RAB3C: variants seen among roughly 807,000 people sequenced by gnomAD.
The protein encoded by RAB3C is RAB3C, member RAS oncogene family.
Under a neutral mutation model 26.4 loss-of-function variants are expected in RAB3C, and 17 were observed. That is an observed-to-expected ratio of 0.64 (90% CI 0.44 to 0.97). The LOEUF is 0.97. Among genes scored for constraint, RAB3C ranks in the 50% least tolerant of loss-of-function variants. RAB3C has a pLI of 0.00. For missense variants in RAB3C, 242 were observed against 281.9 expected (o/e 0.86, Z 1.01); for synonymous variants, 91 against 95.9 (o/e 0.95, Z 0.30).
chr5:58,748,722 A>G (rs930300019), intron 3 of RAB3C, among the ~76,000 whole-genome samples: 1 of 152,192 alleles, frequency 6.6e-6, no homozygotes, highest in African/African-American at 2.4e-5. Flanking sequence ...ATAGGAAATC[A>G]TTATGAGGTA....
intron 3 of RAB3C, among the ~76,000 whole-genome samples, chr5:58,727,386 A>C (rs1296264286): frequency 6.6e-6 from 1 of 152,060 alleles, no homozygotes; most frequent in African/African-American, 2.4e-5. Flanking sequence ...GATGTATATG[A>C]AAACATAAGT....
intron 4 of RAB3C, among the ~76,000 whole-genome samples, chr5:58,847,553 G>T (rs1308430581): frequency 6.6e-6 from 1 of 152,150 alleles, no homozygotes; most frequent in East Asian, 1.9e-4. Context: ...AAGAACAAAG[G>T]CTGTAGTGGT....
At chr5:58,586,733 C>CA (rs142380444) in intron 1 of RAB3C, among the ~76,000 whole-genome samples, 12,489 of 149,328 alleles carry the variant, frequency 0.084, 576 homozygotes, top group East Asian at 0.15. Flanking sequence ...AGCAGAGTGC[C>CA]AAAAAAAAAT....
intron 2 of RAB3C, among the ~76,000 whole-genome samples, chr5:58,696,690 T>A (rs1444981438): frequency 2.0e-5 from 3 of 152,236 alleles, no homozygotes; most frequent in Non-Finnish European, 4.4e-5. Flanking sequence ...TTCTTCTAGA[T>A]TTTCTAGTTT....
At chr5:58,666,505 G>A (rs960153059) in intron 2 of RAB3C, among the ~76,000 whole-genome samples, 8 of 152,180 alleles carry the variant, frequency 5.3e-5, no homozygotes, top group Non-Finnish European at 1.2e-4. Context: ...TAAAATTCAA[G>A]ATTCTTAGGC....
chr5:58,754,814 C>T (rs1561310747), intron 3 of RAB3C, among the ~76,000 whole-genome samples: 1 of 152,082 alleles, frequency 6.6e-6, no homozygotes, highest in East Asian at 1.9e-4. Context: ...TTATTAACTG[C>T]AAACGCCCTT....
intron 2 of RAB3C, among the ~76,000 whole-genome samples, chr5:58,647,442 A>G (rs1747544289): frequency 1.3e-5 from 2 of 151,676 alleles, no homozygotes; most frequent in South Asian, 4.2e-4. Context: ...TTATCATGAG[A>G]ACAGCATGGG....
intron 2 of RAB3C, among the ~76,000 whole-genome samples, chr5:58,656,482 A>T (rs981024823): frequency 3.9e-5 from 6 of 152,294 alleles, no homozygotes; most frequent in Admixed American, 6.5e-5. Context: ...TATGCCCAAA[A>T]TGTGTACATT....
chr5:58,744,681 T>C (rs1741355462), intron 3 of RAB3C, among the ~76,000 whole-genome samples: 1 of 152,216 alleles, frequency 6.6e-6, no homozygotes, highest in Non-Finnish European at 1.5e-5. Flanking sequence ...TTGTGGTTTT[T>C]CAAATATTAT....
chr5:58,612,514 G>GTATATATA (rs1467524083), intron 1 of RAB3C, among the ~76,000 whole-genome samples: 2 of 54,094 alleles, frequency 3.7e-5, no homozygotes, highest in Admixed American at 2.2e-4. Context: ...GTGTGTGTGT[G>GTATATATA]TGTGTGTATA....
At chr5:58,826,995 T>G (rs1016267750) in intron 4 of RAB3C, among the ~76,000 whole-genome samples, 3 of 152,216 alleles carry the variant, frequency 2.0e-5, no homozygotes, top group Non-Finnish European at 4.4e-5. Context: ...CAAGAACCCT[T>G]CCACCAAATA....
chr5:58,795,527 T>A (rs1742624896), intron 3 of RAB3C, among the ~76,000 whole-genome samples: 1 of 152,184 alleles, frequency 6.6e-6, no homozygotes, highest in Non-Finnish European at 1.5e-5. Context: ...TAACTATAGT[T>A]GTGTAACTTA....
In RAB3C at chr5:58,617,789, T is replaced by G; in HGVS notation, c.171T>G (p.Ser57=). 6.2e-7 allele frequency: 1 copy of G among 1,613,776 alleles called. No homozygotes were observed. The change falls in exon 2 of 5, where the codon TCT becomes TCG. Residue 57 remains serine (S), a synonymous_variant. Coordinates refer to ENST00000282878, the MANE Select transcript of RAB3C (RefSeq NM_138453.4). Reference sequence around the variant, plus strand: ...GTTATGCAGATGACTCCTTTACATCTGCATTCGTCAGCACAGTTGGGATCG... The same window carrying G: ...GTTATGCAGATGACTCCTTTACATCGGCATTCGTCAGCACAGTTGGGATCG... ...LFRYADDSFT[S]AFVSTVGIDF...
At position 58,650,526 on chromosome 5, in the gene RAB3C, C is replaced by A. The variant is rs117883645; in HGVS notation, c.252+32656C>A. 9.2e-5 allele frequency among the ~76,000 whole-genome samples: 14 copies of A among 152,258 alleles called. No individual in the cohort carries two copies. In the East Asian group the frequency reaches 2.5e-3, roughly 27 times the overall value. On this transcript the variant is annotated intron_variant, in intron 2 of 4. Transcript: ENST00000282878. Reference sequence around the variant, plus strand: ...GGTTTAACTGGTTGAATAAGGAGAACCCCTCAGAATTTCTGATACATGTGA... The same window carrying A: ...GGTTTAACTGGTTGAATAAGGAGAAACCCTCAGAATTTCTGATACATGTGA...
chr5:58,645,771 GA>G (rs1365666012), intron 2 of RAB3C, among the ~76,000 whole-genome samples: 2 of 152,180 alleles, frequency 1.3e-5, no homozygotes, highest in African/African-American at 4.8e-5. Flanking sequence ...ATTAATTGAA[GA>G]GTGAAGGATT....
At chr5:58,651,822 G>A (rs754620255) in intron 2 of RAB3C, among the ~76,000 whole-genome samples, 6 of 152,058 alleles carry the variant, frequency 3.9e-5, no homozygotes, top group African/African-American at 1.2e-4. Flanking sequence ...CCTGATGCTC[G>A]GGTCTCTTAG....
At chr5:58,801,439 A>G (rs1742806830) in intron 3 of RAB3C, among the ~76,000 whole-genome samples, 1 of 152,228 alleles carries the variant, frequency 6.6e-6, no homozygotes, top group East Asian at 1.9e-4. Flanking sequence ...GAAGCATATG[A>G]GCATCTGGGG....
At chr5:58,657,641 G>A (rs1747810594) in intron 2 of RAB3C, among the ~76,000 whole-genome samples, 1 of 152,130 alleles carries the variant, frequency 6.6e-6, no homozygotes, top group Admixed American at 6.5e-5. Context: ...GCAGACAAGG[G>A]CCAGACCATA....
At chr5:58,598,880 A>G (rs1746387349) in intron 1 of RAB3C, among the ~76,000 whole-genome samples, 1 of 152,150 alleles carries the variant, frequency 6.6e-6, no homozygotes, top group Non-Finnish European at 1.5e-5. Flanking sequence ...AAAACTAACC[A>G]TTTGCATTTC....
Sources: allele counts gnomAD v4.1 joint callset (sites outside exome capture counted in the v4.1 genomes callset), GRCh38; gene constraint gnomAD v4.1.1; transcripts MANE v1.5; gene names NCBI Gene and HGNC (gene_info 2026-07-23, HGNC 2026-07-21).